The following SCGB2B2 variants were observed in gnomAD, a reference collection of about 807,000 sequenced individuals.
The protein encoded by SCGB2B2 is secretoglobin family 2B member 2.
Under a neutral mutation model 7.6 loss-of-function variants are expected in SCGB2B2, and 11 were observed. That is an observed-to-expected ratio of 1.45 (90% confidence interval 0.91 to 2.40). The LOEUF is 2.40. Ranked by LOEUF, SCGB2B2 falls within the 30% of genes most tolerant of loss-of-function variation. The pLI is 0.00. For synonymous variants in SCGB2B2, 50 were observed against 48.6 expected (o/e 1.03, Z -0.12); for missense variants, 104 against 115.4 (o/e 0.90, Z 0.45).
At chr19:34,641,430 G>C (rs1224646684) in intron 1 of SCGB2B2, among the ~76,000 whole-genome samples, 1 of 152,192 alleles carries the variant, frequency 6.6e-6, no homozygotes, top group Non-Finnish European at 1.5e-5. Context: ...TCAATGCCCA[G>C]GGTTTTGGTC....
intron 1 of SCGB2B2, among the ~76,000 whole-genome samples, chr19:34,647,820 A>T (rs1366221210): frequency 1.3e-5 from 2 of 152,242 alleles, no homozygotes; most frequent in African/African-American, 2.4e-5. Flanking sequence ...GGGAAATGTG[A>T]TCGGGTGGGA....
At chr19:34,673,868 A>G (rs1396543225) in intron 1 of SCGB2B2, among the ~76,000 whole-genome samples, 7 of 152,212 alleles carry the variant, frequency 4.6e-5, no homozygotes, top group Non-Finnish European at 8.8e-5. Flanking sequence ...CTAGTCTCAA[A>G]ATGGAACTAT....
In SCGB2B2 at chr19:34,592,333, C is replaced by T. The variant is rs1214848334; in HGVS notation, c.*1222G>A. Among the ~76,000 whole-genome samples the T allele has an allele frequency of 6.6e-6, 1 of 152,070 alleles. No homozygotes were observed. The highest frequency in any genetic ancestry group is 2.4e-5 in the African/African-American group (1 of 41,408). ...GGGTCTGCACTTGTAGGGAAATGAG[C>T]TCTCAAAGATCCAGGGAGAAAGAAG... On this transcript the variant is annotated 3_prime_UTR_variant, in exon 4 of 4. Coordinates refer to ENST00000601241, the MANE Select transcript of SCGB2B2 (RefSeq NM_001025591.4).
At chr19:34,609,671 G>A (rs1451897507) in intron 1 of SCGB2B2, among the ~76,000 whole-genome samples, 1 of 152,004 alleles carries the variant, frequency 6.6e-6, no homozygotes, top group Admixed American at 6.6e-5. Context: ...TAGTTCCATT[G>A]GTCTATGTGT....
In SCGB2B2 at chr19:34,592,622, C is replaced by T. The variant is rs1045966191; in HGVS notation, c.*933G>A. On this transcript the variant is annotated 3_prime_UTR_variant, in exon 4 of 4. Coordinates refer to ENST00000601241, the MANE Select transcript of SCGB2B2 (RefSeq NM_001025591.4). ...CCTCCCCCAGAAGGAGTTGATGGAG[C>T]CTCATCAGTGTATTGAAGGCCACTG... Among the ~76,000 whole-genome samples the T allele has an allele frequency of 6.6e-6, 1 of 152,220 alleles. No individual in the cohort carries two copies. The highest frequency in any genetic ancestry group is 2.4e-5 in the African/African-American group (1 of 41,524).
chr19:34,593,562 G>T lies in SCGB2B2; in HGVS notation c.284C>A (p.Ala95Asp), dbSNP rs61741628. 440 of 1,553,334 alleles carry T rather than the reference G, an allele frequency of 2.8e-4. No homozygotes were observed. Among genetic ancestry groups the T allele is most frequent in the Non-Finnish European group, 3.6e-4 (415 of 1,147,896 alleles). Reference sequence around the variant, plus strand: ...TCTGCAGGGGTCCTCAGATCAGAAGGCTGCTTCTATGCAATCGTTGCTCTG... The same window carrying T: ...TCTGCAGGGGTCCTCAGATCAGAAGTCTGCTTCTATGCAATCGTTGCTCTG... The part of the protein sequence containing the change: ...ILQSNDCIEA[A>D]F The change falls in exon 4 of 4, where the codon GCC becomes GAC. Residue 95 changes from alanine (A) to aspartate (D), a missense_variant. Ala to Asp is a moderately radical substitution (Grantham distance 126, BLOSUM62 -2). Transcript: ENST00000601241.
intron 1 of SCGB2B2, among the ~76,000 whole-genome samples, chr19:34,654,193 A>G (rs1353515658): frequency 6.6e-6 from 1 of 151,308 alleles, no homozygotes; most frequent in East Asian, 1.9e-4. Context: ...AAACAAAAAA[A>G]TTAATTTAAT....
intron 1 of SCGB2B2, among the ~76,000 whole-genome samples, chr19:34,672,634 CAT>C (rs1209975813): frequency 6.6e-6 from 1 of 152,178 alleles, no homozygotes; most frequent in African/African-American, 2.4e-5. Context: ...TAAAATTCCT[CAT>C]AGTCCCAAGG....
At chr19:34,651,353 A>C (rs1478914982) in intron 1 of SCGB2B2, among the ~76,000 whole-genome samples, 1 of 151,134 alleles carries the variant, frequency 6.6e-6, no homozygotes, top group Non-Finnish European at 1.5e-5. Flanking sequence ...AAACCCCTAA[A>C]GCACCACCAA....
rs1206635550 is a variant in SCGB2B2, at chr19:34,594,484, C to A, written c.61+19G>T. On this transcript the variant is annotated intron_variant, in intron 2 of 3. Transcript: ENST00000601241. ...GCAGGGCCACCGCTTCCTCCCAGCC[C>A]TGCTCGCCTCTTTCTTACCCAGCTG... The A allele has an allele frequency of 6.2e-7, 1 of 1,613,576 alleles. No individual in the cohort carries two copies. Among genetic ancestry groups the A allele is most frequent in the Non-Finnish European group, 8.5e-7 (1 of 1,179,632 alleles).
chr19:34,601,724 C>T (rs563208876), intron 1 of SCGB2B2, among the ~76,000 whole-genome samples: 1 of 152,290 alleles, frequency 6.6e-6, no homozygotes, highest in South Asian at 2.1e-4. Context: ...TGTAGATGCT[C>T]TAAGACTATA....
chr19:34,658,818 A>C lies in SCGB2B2; in HGVS notation c.-2032+16812T>G, dbSNP rs1164423671. ...AACAACAACAACAACAACAACAAAA[A>C]AAAAAAAAAAAAAAAAAGAGAGAGA... On this transcript the variant is annotated intron_variant, in intron 1 of 3. Coordinates refer to ENST00000601241, the MANE Select transcript of SCGB2B2 (RefSeq NM_001025591.4). Among the ~76,000 whole-genome samples the C allele has an allele frequency of 6.1e-3, 707 of 116,534 alleles. 2 individuals are homozygous for C. Among genetic ancestry groups the C allele is most frequent in the Non-Finnish European group, 0.01 (513 of 50,208 alleles). 76.5% of individuals were successfully genotyped at this position (116,534 alleles called of 152,430 possible).
intron 1 of SCGB2B2, among the ~76,000 whole-genome samples, chr19:34,611,069 A>C (rs2065913419): frequency 6.6e-6 from 1 of 152,054 alleles, no homozygotes; most frequent in South Asian, 2.1e-4. Context: ...GTGTCCAATA[A>C]TTTACATATT....
downstream of SCGB2B2, among the ~76,000 whole-genome samples, chr19:34,590,353 T>TCATC (rs144099847): frequency 0.048 from 7,223 of 150,262 alleles, 230 homozygotes; most frequent in East Asian, 0.086. Context: ...CATGCACTCA[T>TCATC]CATCCATCCA....
chr19:34,664,760 C>G (rs556188673), intron 1 of SCGB2B2, among the ~76,000 whole-genome samples: 1 of 152,308 alleles, frequency 6.6e-6, no homozygotes, highest in South Asian at 2.1e-4. Flanking sequence ...CCTGCTGCCT[C>G]CCTTTCCCTG....
At chr19:34,615,187 TG>T (rs2066037127) in intron 1 of SCGB2B2, among the ~76,000 whole-genome samples, 2 of 152,098 alleles carry the variant, frequency 1.3e-5, no homozygotes, top group African/African-American at 4.8e-5. Context: ...AATAGCTGTA[TG>T]GGCCACAGGG....
intron 1 of SCGB2B2, among the ~76,000 whole-genome samples, chr19:34,649,490 C>CT (rs926450769): frequency 6.6e-6 from 1 of 152,022 alleles, no homozygotes; most frequent in Non-Finnish European, 1.5e-5. Context: ...TTCGATTTCT[C>CT]TTTTTTTGTG....
At chr19:34,646,274 C>T in intron 1 of SCGB2B2, 1 of 156,018 alleles carries the variant, frequency 6.4e-6, no homozygotes, top group Non-Finnish European at 1.4e-5. Flanking sequence ...TGCAACCCTG[C>T]AAGGGGAGAA....
chr19:34,676,902 G>A lies in SCGB2B2; in HGVS notation c.-3304C>T, dbSNP rs2067974645. On this transcript the variant is annotated 5_prime_UTR_variant, in exon 1 of 4. Transcript: ENST00000601241. The stretch of plus-strand genomic sequence containing the variant: ...TTGGGTGGGCCTAAGAAGCACTTCT[G>A]GGGAGAGGGGGCGTCAGGCTGTGAT... 1.3e-5 allele frequency: 2 copies of A among 152,202 alleles called. No individual in the cohort carries two copies. The highest frequency in any genetic ancestry group is 4.8e-5 in the African/African-American group (2 of 41,430). The allele number at this position is 152,202 out of a possible 1,614,324, so 9.4% of individuals were successfully genotyped here.
Sources: gnomAD v4.1 joint callset for allele counts (sites outside exome capture counted in the v4.1 genomes callset) on GRCh38, gnomAD v4.1.1 for gene constraint, MANE v1.5 for transcripts, NCBI Gene and HGNC (gene_info 2026-07-23, HGNC 2026-07-21) for gene names.